Variants in EDEM1 observed in about 807,000 individuals in gnomAD.
EDEM1 encodes ER degradation enhancing alpha-mannosidase like protein 1, also known as ER degradation-enhancing alpha-mannosidase-like protein 1.
EDEM1 carries 67 observed loss-of-function variants against 74.4 expected under a neutral mutation model. The ratio of observed to expected loss-of-function variants is 0.90; its 90% CI spans 0.74 to 1.10. The LOEUF is 1.10. Among genes scored for constraint, EDEM1 ranks in the 50% least tolerant of loss-of-function variants. The pLI is 0.00. For missense variants in EDEM1, 926 were observed against 851.6 expected (o/e 1.09, Z -1.09); for synonymous variants, 382 against 335.9 (o/e 1.14, Z -1.50).
At chr3:5,202,841 G>A (rs1443895929) in intron 4 of EDEM1, 125 bp from the exon 5 acceptor site, 2 of 725,368 alleles carry the variant, frequency 2.8e-6, no homozygotes, top group East Asian at 2.8e-5. Flanking sequence ...ATCTTGGAAG[G>A]CAGAGGGCAG....
In EDEM1 at chr3:5,188,069, G is replaced by A; in HGVS notation, c.264G>A (p.Arg88=). ...GAAQSPRKAP[R]RPGPGMCGPA... is the part of the protein sequence containing the mutation. Reference sequence around the variant, plus strand: ...CGCAGAGCCCGCGCAAGGCTCCGCGGCGTCCTGGGCCGGGGATGTGCGGCC... The same window carrying A: ...CGCAGAGCCCGCGCAAGGCTCCGCGACGTCCTGGGCCGGGGATGTGCGGCC... The change falls in exon 1 of 12, where the codon CGG becomes CGA. Residue 88 remains arginine, a synonymous_variant. Coordinates refer to ENST00000256497, the MANE Select transcript of EDEM1 (RefSeq NM_014674.3). The A allele has an allele frequency of 6.9e-7, 1 of 1,452,442 alleles. No homozygotes were observed. Among genetic ancestry groups the A allele is most frequent in the Non-Finnish European group, 9.1e-7 (1 of 1,102,850 alleles). 90.0% of individuals were successfully genotyped at this position (1,452,442 alleles called of 1,614,324 possible).
chr3:5,199,092 A>G (rs2055004826), intron 2 of EDEM1, among the ~76,000 whole-genome samples: 1 of 152,218 alleles, frequency 6.6e-6, no homozygotes, highest in Admixed American at 6.5e-5. Flanking sequence ...ACTATTTCTC[A>G]AAGTGTTTAG....
At position 5,216,691 on chromosome 3, in the gene EDEM1, G is replaced by C. The variant is rs1188966185; in HGVS notation, c.*773G>C. The C allele has an allele frequency of 6.6e-6, 1 of 152,632 alleles. No homozygotes were observed. The highest frequency in any genetic ancestry group is 1.5e-5 in the Non-Finnish European group (1 of 68,046). The allele number at this position is 152,632 out of a possible 1,614,324, so 9.5% of individuals were successfully genotyped here. A position where few individuals can be genotyped will look rare whatever the true frequency, so the allele number is the denominator to read the frequency against. ...ATGGTCTTAACCAGAATTCTTAACAGATAGTCTCTTAGGTTATTATGTTAT... is the reference window on the plus strand; with the variant it reads ...ATGGTCTTAACCAGAATTCTTAACACATAGTCTCTTAGGTTATTATGTTAT... On this transcript the variant is annotated 3_prime_UTR_variant, in exon 12 of 12. Coordinates refer to ENST00000256497, the MANE Select transcript of EDEM1 (RefSeq NM_014674.3).
At chr3:5,211,348 C>T (rs909781498) in intron 10 of EDEM1, 132 bp downstream of exon 10, 14 of 850,786 alleles carry the variant, frequency 1.6e-5, no homozygotes, top group East Asian at 2.7e-5. Flanking sequence ...AGGATGCAAA[C>T]GCTGTCAGAA....
Position 5,216,021 on chromosome 3 carries a change from C to T in EDEM1, c.*103C>T. 1 of 946,340 alleles carries T rather than the reference C, an allele frequency of 1.1e-6. No homozygotes were observed. Among genetic ancestry groups the T allele is most frequent in the Non-Finnish European group, 1.6e-6 (1 of 617,794 alleles). 58.6% of individuals were successfully genotyped at this position (946,340 alleles called of 1,614,324 possible). On this transcript the variant is annotated 3_prime_UTR_variant, in exon 12 of 12. Transcript: ENST00000256497. ...GAAAGGGGACAGAAGTCTTGCTGTC[C>T]ATGGTGGTGTAGGAATTTCTGTGCA...
At chr3:5,197,293 C>T (rs1470471365) in intron 2 of EDEM1, among the ~76,000 whole-genome samples, 1 of 152,154 alleles carries the variant, frequency 6.6e-6, no homozygotes, top group Non-Finnish European at 1.5e-5. Flanking sequence ...TTGAGAAATT[C>T]CGTATGTCTG....
At chr3:5,200,517 A>G (rs2055022164) in intron 3 of EDEM1, among the ~76,000 whole-genome samples, 2 of 152,112 alleles carry the variant, frequency 1.3e-5, no homozygotes, top group South Asian at 4.1e-4. Flanking sequence ...TATACCTAGT[A>G]TATTGTATAT....
Position 5,202,894 on chromosome 3 carries a change from T to A in EDEM1, c.859-72T>A, listed in dbSNP as rs967745029. The A allele has an allele frequency of 1.4e-5, 20 of 1,450,756 alleles. No homozygotes were observed. The East Asian group carries it at 4.2e-4, about 30-fold the overall frequency. The allele number at this position is 1,450,756 out of a possible 1,614,324, so 89.9% of individuals were successfully genotyped here. On this transcript the variant is annotated intron_variant, in intron 4 of 11. Coordinates refer to ENST00000256497, the MANE Select transcript of EDEM1 (RefSeq NM_014674.3). ...CTTGGTTTATTAGCTGAGTGTAGTCTCTGAGACCCGGCTTTTCAGCTCTGT... is the reference window on the plus strand; with the variant it reads ...CTTGGTTTATTAGCTGAGTGTAGTCACTGAGACCCGGCTTTTCAGCTCTGT...
chr3:5,196,178 C>T (rs964872360), intron 2 of EDEM1, among the ~76,000 whole-genome samples: 3 of 152,118 alleles, frequency 2.0e-5, no homozygotes, highest in African/African-American at 4.8e-5. Context: ...GAATTGGGGC[C>T]GGGCGCAGTG....
At position 5,207,062 on chromosome 3, in the gene EDEM1, G is replaced by A. The variant is rs34737028; in HGVS notation, c.1218-91G>A. The stretch of plus-strand genomic sequence containing the variant: ...AGGAGAAAAAATTAATGTTAATTCC[G>A]TTTAAATGAAACTACCAGCAGCTGC... On this transcript the variant is annotated intron_variant, in intron 6 of 11. Coordinates refer to ENST00000256497, the MANE Select transcript of EDEM1 (RefSeq NM_014674.3). The A allele has an allele frequency of 7.1e-3, 10,937 of 1,540,380 alleles. 651 individuals are homozygous for A. In the African/African-American group the frequency reaches 0.13, roughly 19 times the overall value.
At position 5,188,237 on chromosome 3, in the gene EDEM1, C is replaced by T; in HGVS notation, c.432C>T (p.Asn144=). The change falls in exon 1 of 12, where the codon AAC becomes AAT. Residue 144 remains asparagine (N), a synonymous_variant. Transcript: ENST00000256497. ...GCATGTTCGTCTTTGGCTACGACAA[C>T]TACATGGCTCACGCCTTCCCCCAGG... The part of the protein sequence containing the change: ...ARGMFVFGYD[N]YMAHAFPQDE... 1 of 1,583,428 alleles carries T rather than the reference C, an allele frequency of 6.3e-7. No individual in the cohort carries two copies. The highest frequency in any genetic ancestry group is 8.6e-7 in the Non-Finnish European group (1 of 1,167,084).
Position 5,207,284 on chromosome 3 carries a change from A to C in EDEM1, c.1338+11A>C, listed in dbSNP as rs749554335. On this transcript the variant is annotated intron_variant, in intron 7 of 11. Transcript: ENST00000256497. ...TTCCCTGGACTGCAGGTATTTTGCC[A>C]TCAGATTTCCTAAGAATAACCAATC... The C allele has an allele frequency of 6.2e-7, 1 of 1,613,450 alleles. No homozygotes were observed. Among genetic ancestry groups the C allele is most frequent in the South Asian group, 1.1e-5 (1 of 90,936 alleles).
At position 5,218,009 on chromosome 3, in the gene EDEM1, G is replaced by C. The variant is rs2055262461; in HGVS notation, c.*2091G>C. ...GTAAGCACTCCAGTGTTCTCTTAATGAGGCACTTTGCCTGTCACTCGAGCA... is the reference window on the plus strand; with the variant it reads ...GTAAGCACTCCAGTGTTCTCTTAATCAGGCACTTTGCCTGTCACTCGAGCA... On this transcript the variant is annotated 3_prime_UTR_variant, in exon 12 of 12. Coordinates refer to ENST00000256497, the MANE Select transcript of EDEM1 (RefSeq NM_014674.3). 6.6e-6 allele frequency: 1 copy of C among 152,254 alleles called. No homozygotes were observed. The highest frequency in any genetic ancestry group is 2.4e-5 in the African/African-American group (1 of 41,450). 9.4% of individuals were successfully genotyped at this position (152,254 alleles called of 1,614,324 possible).
At position 5,217,914 on chromosome 3, in the gene EDEM1, T is replaced by A. The variant is rs1413027277; in HGVS notation, c.*1996T>A. The A allele has an allele frequency of 6.6e-6, 1 of 152,154 alleles. No homozygotes were observed. The highest frequency in any genetic ancestry group is 2.4e-5 in the African/African-American group (1 of 41,438). 9.4% of individuals were successfully genotyped at this position (152,154 alleles called of 1,614,324 possible). A position where few individuals can be genotyped will look rare whatever the true frequency, so the allele number is the denominator to read the frequency against. Reference sequence around the variant, plus strand: ...GAGCATCTCAGAGAAGGAGGTGAGTTCTTCCTGCCTGTGATTTCTCTTGGC... The same window carrying A: ...GAGCATCTCAGAGAAGGAGGTGAGTACTTCCTGCCTGTGATTTCTCTTGGC... On this transcript the variant is annotated 3_prime_UTR_variant, in exon 12 of 12. Transcript: ENST00000256497.
chr3:5,199,294 T>G (rs2055007026), intron 2 of EDEM1, among the ~76,000 whole-genome samples: 1 of 152,256 alleles, frequency 6.6e-6, no homozygotes, highest in Admixed American at 6.5e-5. Context: ...TTAAATAAGA[T>G]CATAGTGAAG....
intron 1 of EDEM1, among the ~76,000 whole-genome samples, chr3:5,189,879 G>A (rs959170612): frequency 2.0e-5 from 3 of 152,324 alleles, no homozygotes; most frequent in Non-Finnish European, 2.9e-5. Context: ...GATTACAGGC[G>A]TGAGCCACCG....
intron 5 of EDEM1, 25 bp from the exon 6 acceptor site, chr3:5,205,042 T>C: frequency 6.2e-7 from 1 of 1,611,248 alleles, no homozygotes; most frequent in Non-Finnish European, 8.5e-7. Context: ...AGCTGGGACC[T>C]CAAGTGCCTT....
chr3:5,218,654 C>T lies in EDEM1; in HGVS notation c.*2736C>T, dbSNP rs2055272056. The T allele has an allele frequency of 6.6e-6, 1 of 152,080 alleles. No individual in the cohort carries two copies. The highest frequency in any genetic ancestry group is 6.6e-5 in the Admixed American group (1 of 15,260). The allele number at this position is 152,080 out of a possible 1,614,324, so 9.4% of individuals were successfully genotyped here. A position where few individuals can be genotyped will look rare whatever the true frequency, so the allele number is the denominator to read the frequency against. On this transcript the variant is annotated 3_prime_UTR_variant, in exon 12 of 12. Transcript: ENST00000256497. ...TTTGCAGAACTGTTGTAGAAAGCTGCCTTATAGTTGGCTTGACAAAGCATA... is the reference window on the plus strand; with the variant it reads ...TTTGCAGAACTGTTGTAGAAAGCTGTCTTATAGTTGGCTTGACAAAGCATA...
Position 5,201,739 on chromosome 3 carries a change from C to T in EDEM1, c.687-14C>T, listed in dbSNP as rs1352714310. The T allele has an allele frequency of 6.2e-7, 1 of 1,613,252 alleles. No individual in the cohort carries two copies. Among genetic ancestry groups the T allele is most frequent in the East Asian group, 2.2e-5 (1 of 44,848 alleles). On this transcript the variant is annotated splice_polypyrimidine_tract_variant and intron_variant, in intron 3 of 11. Transcript: ENST00000256497. ...AACACGATTGTATTATCTTTTTGTTCTTCCTGTCATTAGGGTCCTGGGAAG... is the reference window on the plus strand; with the variant it reads ...AACACGATTGTATTATCTTTTTGTTTTTCCTGTCATTAGGGTCCTGGGAAG...
Sources: allele counts gnomAD v4.1 joint callset (sites outside exome capture counted in the v4.1 genomes callset), GRCh38; gene constraint gnomAD v4.1.1; transcripts MANE v1.5; gene names NCBI Gene and HGNC (gene_info 2026-07-23, HGNC 2026-07-21).